Variants in ARHGAP24 observed in about 807,000 individuals in gnomAD.
ARHGAP24 encodes the protein rho GTPase-activating protein 24.
A neutral mutation model predicts 76.4 loss-of-function variants in ARHGAP24; 50 were observed. That is an observed-to-expected ratio of 0.65 (90% confidence interval 0.52 to 0.83). The LOEUF is 0.83. Among genes scored for constraint, ARHGAP24 ranks in the 40% least tolerant of loss-of-function variants. ARHGAP24 has a pLI of 0.00. For missense variants in ARHGAP24, 930 were observed against 914.2 expected, an observed-to-expected ratio of 1.02 and a Z score of -0.22; for synonymous variants, 345 against 323.3, an observed-to-expected ratio of 1.07 and a Z score of -0.72.
intron 2 of ARHGAP24, among the ~76,000 whole-genome samples, chr4:85,628,628 T>C (rs1721054772): frequency 6.6e-6 from 1 of 152,220 alleles, no homozygotes; most frequent in African/African-American, 2.4e-5. Context: ...TGTATTGCTG[T>C]CTATTTATCT....
chr4:85,636,550 A>ACACACACACAC (rs1721313470), intron 2 of ARHGAP24, among the ~76,000 whole-genome samples: 1 of 151,654 alleles, frequency 6.6e-6, no homozygotes, highest in Admixed American at 6.7e-5. Flanking sequence ...ACTTGTTGGG[A>ACACACACACAC]ATATTACACA....
At chr4:85,890,681 G>A (rs1052668614) in intron 3 of ARHGAP24, among the ~76,000 whole-genome samples, 36 of 152,150 alleles carry the variant, frequency 2.4e-4, no homozygotes, top group Non-Finnish European at 2.8e-4. Flanking sequence ...TAGAAAATCA[G>A]GGTGAGAAGA....
intron 2 of ARHGAP24, among the ~76,000 whole-genome samples, chr4:85,694,317 T>C (rs1723789976): frequency 6.6e-6 from 1 of 152,096 alleles, no homozygotes; most frequent in Admixed American, 6.5e-5. Context: ...GAGAAACTTG[T>C]AAATCAGCTA....
intron 3 of ARHGAP24, among the ~76,000 whole-genome samples, chr4:85,898,553 TA>T (rs1246204538): frequency 6.6e-6 from 1 of 152,160 alleles, no homozygotes; most frequent in African/African-American, 2.4e-5. Context: ...GTAAATCATT[TA>T]AAAAGAAGGA....
intron 3 of ARHGAP24, among the ~76,000 whole-genome samples, chr4:85,746,405 A>C (rs561012454): frequency 6.6e-6 from 1 of 152,310 alleles, no homozygotes; most frequent in African/African-American, 2.4e-5. Flanking sequence ...CTCCTCTACC[A>C]GCAAACCTCA....
At chr4:85,905,493 C>G (rs761525877) in intron 3 of ARHGAP24, among the ~76,000 whole-genome samples, 1 of 152,174 alleles carries the variant, frequency 6.6e-6, no homozygotes, top group Non-Finnish European at 1.5e-5. Flanking sequence ...ATCCCTTCCT[C>G]TCTTGTTCCT....
At chr4:85,740,682 A>G (rs544126105) in intron 3 of ARHGAP24, among the ~76,000 whole-genome samples, 1 of 152,182 alleles carries the variant, frequency 6.6e-6, no homozygotes, top group African/African-American at 2.4e-5. Flanking sequence ...ATTTCTTATC[A>G]TCATCTCTCT....
At chr4:85,815,141 C>T (rs1425269360) in intron 3 of ARHGAP24, among the ~76,000 whole-genome samples, 2 of 152,096 alleles carry the variant, frequency 1.3e-5, no homozygotes, top group African/African-American at 2.4e-5. Context: ...CTGGACCCAG[C>T]CCCCGAAACC....
intron 2 of ARHGAP24, among the ~76,000 whole-genome samples, chr4:85,677,485 A>T (rs6531848): frequency 7.9e-5 from 12 of 152,204 alleles, no homozygotes; most frequent in African/African-American, 2.9e-4. Flanking sequence ...CTGGCAGACC[A>T]CCAAGGATGT....
At chr4:85,705,779 T>C (rs1261443549) in intron 2 of ARHGAP24, among the ~76,000 whole-genome samples, 1 of 152,180 alleles carries the variant, frequency 6.6e-6, no homozygotes, top group Non-Finnish European at 1.5e-5. Context: ...GAATTCATGT[T>C]TTTATTCTCT....
intron 2 of ARHGAP24, among the ~76,000 whole-genome samples, chr4:85,682,345 A>G (rs1403234394): frequency 6.6e-6 from 1 of 152,246 alleles, no homozygotes; most frequent in Non-Finnish European, 1.5e-5. Context: ...GAAAACAATT[A>G]AAGTATCTTA....
intron 2 of ARHGAP24, among the ~76,000 whole-genome samples, chr4:85,615,104 G>C (rs78293459): frequency 6.6e-6 from 1 of 151,844 alleles, no homozygotes. Flanking sequence ...TTTTAAAAGG[G>C]TGTGTTTTTC....
intron 2 of ARHGAP24, among the ~76,000 whole-genome samples, chr4:85,712,324 A>G (rs531854445): frequency 3.9e-5 from 6 of 152,154 alleles, no homozygotes; most frequent in Admixed American, 6.5e-5. Flanking sequence ...ATGATTGACT[A>G]ATTAACTGTT....
At chr4:85,812,562 GTC>G (rs1405454538) in intron 3 of ARHGAP24, among the ~76,000 whole-genome samples, 4 of 151,926 alleles carry the variant, frequency 2.6e-5, no homozygotes, top group Non-Finnish European at 4.4e-5. Context: ...ACCACTCCCA[GTC>G]TTAACAATAA....
chr4:85,701,080 C>T (rs1203695062), intron 2 of ARHGAP24, among the ~76,000 whole-genome samples: 1 of 152,112 alleles, frequency 6.6e-6, no homozygotes, highest in Non-Finnish European at 1.5e-5. Context: ...ATTAGTCTCT[C>T]TGTCATTATA....
chr4:85,766,649 A>T (rs1726941382), intron 3 of ARHGAP24, among the ~76,000 whole-genome samples: 1 of 152,164 alleles, frequency 6.6e-6, no homozygotes, highest in Non-Finnish European at 1.5e-5. Flanking sequence ...ACAGCATGTA[A>T]AAAAACAGAT....
At chr4:85,573,192 T>A (rs1335845052) in intron 2 of ARHGAP24, among the ~76,000 whole-genome samples, 1 of 152,072 alleles carries the variant, frequency 6.6e-6, no homozygotes, top group African/African-American at 2.4e-5. Flanking sequence ...AGAAATAACT[T>A]TGAATTTTCT....
At chr4:85,476,209 A>G (rs1722591862) in intron 1 of ARHGAP24, among the ~76,000 whole-genome samples, 1 of 151,912 alleles carries the variant, frequency 6.6e-6, no homozygotes, top group Non-Finnish European at 1.5e-5. Context: ...AACATGTAAT[A>G]TGGTCTCGTT....
chr4:85,767,709 A>G (rs1726983371), intron 3 of ARHGAP24, among the ~76,000 whole-genome samples: 1 of 152,242 alleles, frequency 6.6e-6, no homozygotes, highest in African/African-American at 2.4e-5. Context: ...TAGTCATGGT[A>G]GAACAGAATA....
Sources: gnomAD v4.1 joint callset for allele counts (sites outside exome capture counted in the v4.1 genomes callset) on GRCh38, gnomAD v4.1.1 for gene constraint, MANE v1.5 for transcripts, NCBI Gene and HGNC (gene_info 2026-07-23, HGNC 2026-07-21) for gene names.